FRMD4A: variants seen among roughly 807,000 people sequenced by gnomAD.
FRMD4A encodes FERM domain containing 4A.
Under a neutral mutation model 129.1 loss-of-function variants are expected in FRMD4A, and 29 were observed. The observed-to-expected ratio is 0.22, with a 90% CI of 0.17 to 0.31. FRMD4A has a LOEUF of 0.31. FRMD4A is among the 10% of genes least tolerant of loss of function. The pLI is 1.00. For synonymous variants in FRMD4A, 634 were observed against 571.6 expected (o/e 1.11, Z -1.56); for missense variants, 1,272 against 1,375.8 (o/e 0.92, Z 1.19).
At chr10:13,861,625 A>G (rs2094296526) in intron 2 of FRMD4A, among the ~76,000 whole-genome samples, 1 of 152,218 alleles carries the variant, frequency 6.6e-6, no homozygotes, top group African/African-American at 2.4e-5. Flanking sequence ...CCGCACATAC[A>G]AGTCAAAGCA....
intron 2 of FRMD4A, among the ~76,000 whole-genome samples, chr10:14,127,490 C>G (rs893548637): frequency 6.6e-6 from 1 of 152,144 alleles, no homozygotes; most frequent in African/African-American, 2.4e-5. Flanking sequence ...AGAAGAGGCC[C>G]TTTAAGGGAG....
chr10:13,994,424 G>A (rs1380999609), intron 2 of FRMD4A, among the ~76,000 whole-genome samples: 7 of 151,970 alleles, frequency 4.6e-5, no homozygotes, highest in African/African-American at 1.2e-4. Context: ...TGATCTGCCT[G>A]CCTCGGCCTC....
intron 2 of FRMD4A, chr10:14,097,141 CAAAAAAAAAAAAA>C (rs1157975128): frequency 1.3e-4 from 2 of 14,980 alleles, no homozygotes; most frequent in Non-Finnish European, 2.3e-4. Context: ...GACTCCATCT[CAAAAAAAAAAAAA>C]AAAAAAAAAA....
chr10:13,707,513 G>C (rs1190776994), intron 12 of FRMD4A: 4 of 1,008,780 alleles, frequency 4.0e-6, no homozygotes, highest in East Asian at 1.8e-4. Flanking sequence ...GGAGAGGAGC[G>C]AGAGGAGCGA....
chr10:14,209,718 CAA>C (rs34707420), intron 2 of FRMD4A, among the ~76,000 whole-genome samples: 14 of 108,534 alleles, frequency 1.3e-4, no homozygotes, highest in East Asian at 2.7e-4. Flanking sequence ...GAGACTGTCT[CAA>C]AAAAAAAAAA....
At chr10:14,199,282 T>TTTTATTTA (rs3034001) in intron 2 of FRMD4A, among the ~76,000 whole-genome samples, 65 of 131,056 alleles carry the variant, frequency 5.0e-4, no homozygotes, top group African/African-American at 1.4e-3. Context: ...AAGTGTCTTA[T>TTTTATTTA]TTTATTTATT....
At chr10:13,861,364 C>G (rs573414807) in intron 2 of FRMD4A, among the ~76,000 whole-genome samples, 1 of 152,212 alleles carries the variant, frequency 6.6e-6, no homozygotes, top group Non-Finnish European at 1.5e-5. Context: ...AGAAAATTAT[C>G]TTATTCCTTC....
chr10:13,831,519 C>T (rs1393789135), intron 3 of FRMD4A, among the ~76,000 whole-genome samples: 2 of 152,202 alleles, frequency 1.3e-5, no homozygotes. Flanking sequence ...CAGACTTGGA[C>T]TGGCATTAAG....
intron 2 of FRMD4A, among the ~76,000 whole-genome samples, chr10:14,322,317 C>A (rs548564645): frequency 1.9e-4 from 29 of 152,206 alleles, no homozygotes; most frequent in Non-Finnish European, 3.7e-4. Context: ...CCCAGGATAA[C>A]AAGCACAAAG....
intron 2 of FRMD4A, among the ~76,000 whole-genome samples, chr10:14,013,959 C>T (rs2095690122): frequency 6.6e-6 from 1 of 152,054 alleles, no homozygotes; most frequent in Admixed American, 6.5e-5. Context: ...ACAAAAAACC[C>T]AAAGTCCAAG....
intron 2 of FRMD4A, among the ~76,000 whole-genome samples, chr10:14,217,434 G>T (rs1223488893): frequency 2.0e-5 from 3 of 152,160 alleles, no homozygotes; most frequent in Non-Finnish European, 4.4e-5. Flanking sequence ...GTTTGATAAG[G>T]GGAAACCCCT....
Position 13,773,848 on chromosome 10 carries a change from T to C in FRMD4A, c.384+9074A>G, listed in dbSNP as rs1166810402. 6.6e-5 allele frequency among the ~76,000 whole-genome samples: 10 copies of C among 152,328 alleles called. No individual in the cohort carries two copies. The East Asian group carries it at 1.9e-3, about 29-fold the overall frequency. On this transcript the variant is annotated intron_variant, in intron 6 of 24. Coordinates refer to ENST00000357447, the MANE Select transcript of FRMD4A (RefSeq NM_018027.5). ...GTCCGCTGCCTCCTGCAGGGGCTGATGGATGGGCACCTTCAGTTGGCTGTT... is the reference window on the plus strand; with the variant it reads ...GTCCGCTGCCTCCTGCAGGGGCTGACGGATGGGCACCTTCAGTTGGCTGTT...
intron 2 of FRMD4A, among the ~76,000 whole-genome samples, chr10:14,053,051 A>C (rs983004895): frequency 5.3e-5 from 8 of 152,140 alleles, no homozygotes; most frequent in African/African-American, 1.9e-4. Context: ...ACAAACATCC[A>C]AACCACATCC....
At chr10:14,206,550 C>T (rs776910839) in intron 2 of FRMD4A, among the ~76,000 whole-genome samples, 3 of 151,998 alleles carry the variant, frequency 2.0e-5, no homozygotes, top group Non-Finnish European at 4.4e-5. Context: ...GTAATCCCAA[C>T]ACTTTGGGAG....
At chr10:14,201,832 T>C (rs900698862) in intron 2 of FRMD4A, among the ~76,000 whole-genome samples, 3 of 152,172 alleles carry the variant, frequency 2.0e-5, no homozygotes, top group Non-Finnish European at 4.4e-5. Context: ...CCTTCGTGTC[T>C]TTAAAATTCA....
At chr10:13,949,184 A>T (rs972382485) in intron 2 of FRMD4A, among the ~76,000 whole-genome samples, 2 of 151,972 alleles carry the variant, frequency 1.3e-5, no homozygotes, top group Non-Finnish European at 2.9e-5. Flanking sequence ...TTCACTTTCA[A>T]GATCGATAAA....
chr10:13,649,313 G>A (rs114777881), intron 24 of FRMD4A: 1 of 130,698 alleles, frequency 7.7e-6, no homozygotes, highest in African/African-American at 2.7e-5. Context: ...TGAGGTTAAG[G>A]GTTCCTGTGG....
At chr10:14,080,319 T>A (rs1162634498) in intron 2 of FRMD4A, among the ~76,000 whole-genome samples, 1 of 152,040 alleles carries the variant, frequency 6.6e-6, no homozygotes, top group Non-Finnish European at 1.5e-5. Flanking sequence ...CACCTGAAGG[T>A]CTTTATGATG....
intron 2 of FRMD4A, among the ~76,000 whole-genome samples, chr10:14,250,872 G>A (rs12260956): frequency 0.081 from 12,381 of 152,146 alleles, 526 homozygotes; most frequent in South Asian, 0.12. Context: ...CACCTACAGG[G>A]CTAATAGTAC....
Sources: allele counts gnomAD v4.1 joint callset (sites outside exome capture counted in the v4.1 genomes callset), GRCh38; gene constraint gnomAD v4.1.1; transcripts MANE v1.5; gene names NCBI Gene and HGNC (gene_info 2026-07-23, HGNC 2026-07-21).